AFF3: variants seen among roughly 807,000 people sequenced by gnomAD.
AFF3 encodes ALF transcription elongation factor 3.
A neutral mutation model predicts 129.7 loss-of-function variants in AFF3; 32 were observed. That is an observed-to-expected ratio of 0.25 (90% CI 0.19 to 0.33). AFF3 has a LOEUF of 0.33. Ranked by LOEUF, AFF3 falls within the 10% of genes least tolerant of loss-of-function variation. The probability of loss-of-function intolerance (pLI) is 1.00; values close to 1 mark genes in which losing one functional copy is unlikely to be tolerated. For missense variants in AFF3, 1,373 were observed against 1,592.0 expected (o/e 0.86, Z 2.34); for synonymous variants, 644 against 635.4 (o/e 1.01, Z -0.20).
At chr2:99,955,358 T>C (rs554957203) in intron 7 of AFF3, among the ~76,000 whole-genome samples, 3 of 152,342 alleles carry the variant, frequency 2.0e-5, no homozygotes, top group South Asian at 4.1e-4. Context: ...ATTAAATTTA[T>C]AGAAAACTGT....
chr2:99,670,931 GT>G (rs1299174101), intron 12 of AFF3, among the ~76,000 whole-genome samples: 1 of 152,132 alleles, frequency 6.6e-6, no homozygotes, highest in African/African-American at 2.4e-5. Flanking sequence ...ATGGAAGGGG[GT>G]AGCTTAAAAA....
intron 8 of AFF3, among the ~76,000 whole-genome samples, chr2:99,806,129 T>G (rs185078944): frequency 4.6e-5 from 7 of 152,266 alleles, no homozygotes; most frequent in Admixed American, 4.6e-4. Context: ...GCATCAGCCA[T>G]GATAAATAAG....
At chr2:99,611,243 T>A (rs916966216) in intron 13 of AFF3, among the ~76,000 whole-genome samples, 1 of 152,242 alleles carries the variant, frequency 6.6e-6, no homozygotes, top group South Asian at 2.1e-4. Context: ...AAGCATTTTA[T>A]GATGGCTGCT....
chr2:99,578,914 G>C (rs1677248326), intron 17 of AFF3, among the ~76,000 whole-genome samples: 1 of 152,212 alleles, frequency 6.6e-6, no homozygotes, highest in South Asian at 2.1e-4. Context: ...CAGGGCTGGG[G>C]TGGGGACCTA....
At chr2:100,083,414 G>C (rs1332805131) in intron 4 of AFF3, among the ~76,000 whole-genome samples, 1 of 152,272 alleles carries the variant, frequency 6.6e-6, no homozygotes, top group South Asian at 2.1e-4. Flanking sequence ...ACAGGTCACC[G>C]CAAGCCCCTG....
At chr2:99,623,952 G>A (rs1682300748) in intron 13 of AFF3, among the ~76,000 whole-genome samples, 1 of 152,174 alleles carries the variant, frequency 6.6e-6, no homozygotes, top group African/African-American at 2.4e-5. Flanking sequence ...TAAAAAACAC[G>A]AATTCAAAGA....
At chr2:99,564,899 G>A (rs1304785925) in intron 20 of AFF3, among the ~76,000 whole-genome samples, 1 of 152,174 alleles carries the variant, frequency 6.6e-6, no homozygotes, top group Admixed American at 6.5e-5. Flanking sequence ...TCCCTTAACT[G>A]TTGGTTACAG....
At chr2:100,058,592 A>G (rs1573290857) in intron 4 of AFF3, among the ~76,000 whole-genome samples, 2 of 152,258 alleles carry the variant, frequency 1.3e-5, no homozygotes, top group South Asian at 2.1e-4. Flanking sequence ...ATGGCTAGCC[A>G]TGTATACACA....
chr2:99,851,360 T>C (rs1433478804), intron 7 of AFF3, among the ~76,000 whole-genome samples: 1 of 152,262 alleles, frequency 6.6e-6, no homozygotes, highest in Non-Finnish European at 1.5e-5. Flanking sequence ...TTATGTTCTC[T>C]TTCTGGTTTC....
intron 7 of AFF3, among the ~76,000 whole-genome samples, chr2:99,955,030 G>C (rs1226232523): frequency 6.6e-6 from 1 of 151,880 alleles, no homozygotes; most frequent in Admixed American, 6.6e-5. Flanking sequence ...AAAGTATAGA[G>C]AGGATAGATT....
chr2:99,866,134 T>C (rs1345948563), intron 7 of AFF3, among the ~76,000 whole-genome samples: 1 of 152,194 alleles, frequency 6.6e-6, no homozygotes, highest in Non-Finnish European at 1.5e-5. Flanking sequence ...GGAAATGGAA[T>C]GCATGCATCT....
intron 7 of AFF3, among the ~76,000 whole-genome samples, chr2:99,908,699 AT>A (rs1394636266): frequency 6.6e-6 from 1 of 152,270 alleles, no homozygotes; most frequent in Admixed American, 6.5e-5. Flanking sequence ...GAAGACATTT[AT>A]GCAGCCAAAA....
intron 4 of AFF3, among the ~76,000 whole-genome samples, chr2:100,014,127 GAGCACTCGCTCCA>G (rs2104795492): frequency 6.6e-6 from 1 of 151,388 alleles, no homozygotes; most frequent in East Asian, 2.0e-4. Context: ...AGTTTGCTTG[GAGCACTCGCTCCA>G]AGCAAACTGC....
chr2:99,921,384 AT>A (rs1695847815), intron 7 of AFF3, among the ~76,000 whole-genome samples: 1 of 152,144 alleles, frequency 6.6e-6, no homozygotes, highest in African/African-American at 2.4e-5. Flanking sequence ...CTGAGGAGTT[AT>A]CACAACCAAA....
intron 7 of AFF3, among the ~76,000 whole-genome samples, chr2:99,915,403 A>G (rs1290120267): frequency 6.6e-6 from 1 of 152,206 alleles, no homozygotes; most frequent in Non-Finnish European, 1.5e-5. Context: ...CAAATGTAAT[A>G]AAAGCCATAC....
intron 10 of AFF3, among the ~76,000 whole-genome samples, chr2:99,731,621 G>C (rs1679838351): frequency 6.6e-6 from 1 of 152,000 alleles, no homozygotes; most frequent in East Asian, 1.9e-4. Flanking sequence ...TACTAATTTA[G>C]TTAATAATTT....
At chr2:99,829,355 C>A (rs1172316677) in intron 8 of AFF3, among the ~76,000 whole-genome samples, 1 of 152,092 alleles carries the variant, frequency 6.6e-6, no homozygotes, top group South Asian at 2.1e-4. Context: ...AGGCAACCTA[C>A]AAAATGGGAG....
chr2:99,563,810 C>CAAAAAAAAAAAAAA (rs34843347), intron 20 of AFF3, among the ~76,000 whole-genome samples: 3 of 76,034 alleles, frequency 3.9e-5, no homozygotes, highest in East Asian at 4.9e-4. Flanking sequence ...AATTTAGTCT[C>CAAAAAAAAAAAAAA]AAAAAAAAAA....
intron 7 of AFF3, among the ~76,000 whole-genome samples, chr2:99,897,071 G>A (rs903848838): frequency 1.3e-5 from 2 of 152,068 alleles, no homozygotes; most frequent in African/African-American, 4.8e-5. Context: ...ATTGTATTGT[G>A]AAGGCTTTTT....
Sources: allele counts gnomAD v4.1 joint callset (sites outside exome capture counted in the v4.1 genomes callset), GRCh38; gene constraint gnomAD v4.1.1; transcripts MANE v1.5; gene names NCBI Gene and HGNC (gene_info 2026-07-23, HGNC 2026-07-21).